Variants in TMEM200A observed in about 807,000 individuals in gnomAD.
TMEM200A encodes two transmembrane C.
Under a neutral mutation model 24.3 loss-of-function variants are expected in TMEM200A, and 12 were observed. The observed-to-expected ratio is 0.49, with a 90% confidence interval of 0.32 to 0.80. The LOEUF is 0.80. Among genes scored for constraint, TMEM200A ranks in the 30% least tolerant of loss-of-function variants. The probability of loss-of-function intolerance (pLI) is 0.04; values close to 1 mark genes in which losing one functional copy is unlikely to be tolerated. For missense variants in TMEM200A, 545 were observed against 614.4 expected (o/e 0.89, Z 1.19); for synonymous variants, 224 against 224.4 (o/e 1.00, Z 0.02).
intron 2 of TMEM200A, among the ~76,000 whole-genome samples, chr6:130,394,304 T>C (rs1181019465): frequency 1.3e-5 from 2 of 152,198 alleles, no homozygotes; most frequent in Non-Finnish European, 2.9e-5. Flanking sequence ...GATGTGATTT[T>C]TGCTGTTTCA....
chr6:130,411,298 A>G (rs1032542290), intron 2 of TMEM200A, among the ~76,000 whole-genome samples: 2 of 152,182 alleles, frequency 1.3e-5, no homozygotes, highest in Admixed American at 6.5e-5. Context: ...TTTTTAAAAG[A>G]GTTTTTTTTA....
intron 2 of TMEM200A, among the ~76,000 whole-genome samples, chr6:130,430,032 A>G (rs1172339215): frequency 1.3e-5 from 2 of 152,208 alleles, no homozygotes; most frequent in African/African-American, 4.8e-5. Context: ...GGTTTTTACC[A>G]TGAGCATGTG....
intron 1 of TMEM200A, among the ~76,000 whole-genome samples, chr6:130,377,424 C>G (rs898359289): frequency 6.6e-6 from 1 of 152,142 alleles, no homozygotes; most frequent in African/African-American, 2.4e-5. Context: ...TTCTCCTGCC[C>G]CAACTGCCAG....
At chr6:130,367,953 C>T (rs1393031141) in intron 1 of TMEM200A, among the ~76,000 whole-genome samples, 1 of 152,140 alleles carries the variant, frequency 6.6e-6, no homozygotes, top group Non-Finnish European at 1.5e-5. Flanking sequence ...TGGAAAGTCC[C>T]TGTAGGTAAA....
intron 2 of TMEM200A, 106 bp from the exon 3 acceptor site, chr6:130,440,301 T>C: frequency 8.2e-7 from 1 of 1,213,920 alleles, no homozygotes; most frequent in Non-Finnish European, 1.1e-6. Context: ...CACATGAAAC[T>C]GCAACAGCAA....
At chr6:130,422,035 C>T (rs549725708) in intron 2 of TMEM200A, among the ~76,000 whole-genome samples, 1 of 152,242 alleles carries the variant, frequency 6.6e-6, no homozygotes, top group East Asian at 1.9e-4. Context: ...GCAGATATCT[C>T]TTCAACATAC....
At chr6:130,418,644 G>A (rs1417516088) in intron 2 of TMEM200A, among the ~76,000 whole-genome samples, 1 of 152,122 alleles carries the variant, frequency 6.6e-6, no homozygotes, top group Non-Finnish European at 1.5e-5. Flanking sequence ...AGTACATTTA[G>A]TCATGACAGC....
intron 1 of TMEM200A, among the ~76,000 whole-genome samples, chr6:130,377,108 C>G (rs978823017): frequency 1.6e-4 from 25 of 152,130 alleles, no homozygotes; most frequent in African/African-American, 6.0e-4. Context: ...ACAAGCTTTT[C>G]TCAAGAAACT....
At chr6:130,425,853 T>C (rs183293308) in intron 2 of TMEM200A, among the ~76,000 whole-genome samples, 1 of 152,278 alleles carries the variant, frequency 6.6e-6, no homozygotes, top group East Asian at 1.9e-4. Flanking sequence ...TGGTTTTACA[T>C]GAAAGTACAG....
rs149287178 is a variant in TMEM200A at position 130,400,493 on chromosome 6, A to G, written c.-17+15257A>G. The stretch of plus-strand genomic sequence containing the variant: ...GTTTGGAGAATCTCCTGACTCTGTC[A>G]TAGTGACAGTTTAGCTCCTATGATT... On this transcript the variant is annotated intron_variant, in intron 2 of 2. Transcript: ENST00000296978. 2.2e-3 allele frequency among the ~76,000 whole-genome samples: 337 copies of G among 150,070 alleles called. 1 individual carries two copies. Among genetic ancestry groups the G allele is most frequent in the African/African-American group, 8.0e-3 (322 of 40,224 alleles).
chr6:130,385,982 A>G (rs2115098834), intron 2 of TMEM200A, among the ~76,000 whole-genome samples: 1 of 152,318 alleles, frequency 6.6e-6, no homozygotes, highest in Non-Finnish European at 1.5e-5. Context: ...TATATTGGTA[A>G]GGGGACTCTT....
intron 2 of TMEM200A, among the ~76,000 whole-genome samples, chr6:130,392,733 T>G (rs1256285984): frequency 1.3e-5 from 2 of 152,188 alleles, no homozygotes; most frequent in Non-Finnish European, 2.9e-5. Context: ...TTCTTCATCT[T>G]ACAAGCAACA....
At chr6:130,390,562 T>C (rs1327993287) in intron 2 of TMEM200A, among the ~76,000 whole-genome samples, 2 of 152,250 alleles carry the variant, frequency 1.3e-5, no homozygotes, top group Admixed American at 1.3e-4. Flanking sequence ...CTTAGTATTC[T>C]TTATACCCTT....
At chr6:130,387,433 C>T (rs543969961) in intron 2 of TMEM200A, among the ~76,000 whole-genome samples, 64 of 152,144 alleles carry the variant, frequency 4.2e-4, no homozygotes, top group Middle Eastern at 6.8e-3. Flanking sequence ...CCATCATGCA[C>T]GGCTAATTTT....
chr6:130,375,707 G>T (rs1778440127), intron 1 of TMEM200A, among the ~76,000 whole-genome samples: 1 of 152,148 alleles, frequency 6.6e-6, no homozygotes, highest in Non-Finnish European at 1.5e-5. Context: ...TTGGGGAGGG[G>T]GCATTGGAGT....
intron 2 of TMEM200A, among the ~76,000 whole-genome samples, chr6:130,401,117 A>G (rs1779072784): frequency 6.6e-6 from 1 of 151,780 alleles, no homozygotes; most frequent in Non-Finnish European, 1.5e-5. Flanking sequence ...TTTTGTTTTT[A>G]TAGTTTATTC....
chr6:130,408,970 A>G (rs1779272162), intron 2 of TMEM200A, among the ~76,000 whole-genome samples: 1 of 152,100 alleles, frequency 6.6e-6, no homozygotes, highest in African/African-American at 2.4e-5. Context: ...ATTCCCAGAC[A>G]GTGACTGAGC....
chr6:130,405,528 A>C (rs1779184365), intron 2 of TMEM200A, among the ~76,000 whole-genome samples: 1 of 152,174 alleles, frequency 6.6e-6, no homozygotes. Context: ...ACTTTCCATT[A>C]GTTGACTTTG....
chr6:130,401,399 TTCTTTTTC>T (rs146710832), intron 2 of TMEM200A, among the ~76,000 whole-genome samples: 2,826 of 86,648 alleles, frequency 0.033, 27 homozygotes, highest in Non-Finnish European at 0.037. Context: ...GCTTCTTTCT[TTCTTTTTC>T]TTTCTTTCTC....
Sources: allele counts gnomAD v4.1 joint callset (sites outside exome capture counted in the v4.1 genomes callset), GRCh38; gene constraint gnomAD v4.1.1; transcripts MANE v1.5; gene names NCBI Gene and HGNC (gene_info 2026-07-23, HGNC 2026-07-21).